COL4A5: variants seen among roughly 807,000 people sequenced by gnomAD.
The protein encoded by COL4A5 is collagen type IV alpha 5 chain, also known as collagen alpha-5(IV) chain.
In COL4A5, 26 loss-of-function variants were observed where a neutral mutation model predicts 130.2. That is an observed-to-expected ratio of 0.20 (90% CI 0.15 to 0.28). COL4A5 has a LOEUF of 0.28. COL4A5 is among the 10% of genes least tolerant of loss of function. COL4A5 has a pLI of 1.00. For missense variants in COL4A5, 1,131 were observed against 1,344.3 expected (o/e 0.84, Z 2.48); for synonymous variants, 496 against 439.6 (o/e 1.13, Z -1.60).
At chrX:108,648,169 C>T (rs1002019049) in intron 36 of COL4A5, among the ~76,000 whole-genome samples, 1 of 110,846 alleles carries the variant, frequency 9.0e-6, no homozygotes, top group Non-Finnish European at 1.9e-5. Context: ...CCAGCTCCTC[C>T]TTGTACCTCT....
At chrX:108,685,937 T>C in intron 47 of COL4A5, 94 bp from the exon 48 acceptor site, 1 of 742,906 alleles carries the variant, frequency 1.3e-6, no homozygotes, top group Non-Finnish European at 2.1e-6. Flanking sequence ...AACCAAATTG[T>C]GAATTCAGTG....
intron 1 of COL4A5, among the ~76,000 whole-genome samples, chrX:108,515,911 G>A (rs767380154): frequency 9.0e-6 from 1 of 111,094 alleles, no homozygotes; most frequent in Admixed American, 9.6e-5. Context: ...CAGAACTGTA[G>A]CATTCCTTGT....
intron 38 of COL4A5, 40 bp from the exon 39 acceptor site, chrX:108,666,456 T>C (rs376722188): frequency 5.5e-5 from 59 of 1,076,647 alleles, no homozygotes; most frequent in Non-Finnish European, 7.3e-5. Flanking sequence ...GAGTTGGAAA[T>C]TGGAAAACTG....
chrX:108,631,970 C>T (rs907025883), intron 36 of COL4A5, among the ~76,000 whole-genome samples: 1 of 110,870 alleles, frequency 9.0e-6, no homozygotes, highest in Non-Finnish European at 1.9e-5. Context: ...CAGGAAATAA[C>T]TAAGATCAGA....
intron 1 of COL4A5, among the ~76,000 whole-genome samples, chrX:108,502,580 C>T (rs1052769117): frequency 2.4e-4 from 27 of 111,911 alleles, no homozygotes; most frequent in Non-Finnish European, 4.3e-4. Flanking sequence ...CCACCGCGCC[C>T]GGCTACTGGA....
intron 34 of COL4A5, among the ~76,000 whole-genome samples, chrX:108,625,270 C>A (rs2067131427): frequency 9.0e-6 from 1 of 111,552 alleles, no homozygotes; most frequent in African/African-American, 3.3e-5. Context: ...TAAACTATAT[C>A]ATAACAGGTT....
chrX:108,571,405 CCTT>C lies in COL4A5; in HGVS notation c.385-5_385-3del. ...TCCTCCATGCTCTTTATTTTTAACTCCTTCTAGGGAGAACGTGGATTTCCAGGC... is the reference window on the plus strand; with the variant it reads ...TCCTCCATGCTCTTTATTTTTAACTCCTAGGGAGAACGTGGATTTCCAGGC... On this transcript the variant is annotated splice_polypyrimidine_tract_variant and splice_region_variant and intron_variant, in intron 6 of 52. Transcript: ENST00000328300. The C allele has an allele frequency of 8.4e-7, 1 of 1,185,418 alleles. No homozygotes were observed. The highest frequency in any genetic ancestry group is 1.1e-6 in the Non-Finnish European group (1 of 873,009).
intron 1 of COL4A5, among the ~76,000 whole-genome samples, chrX:108,452,268 A>G (rs1479484197): frequency 8.9e-6 from 1 of 111,857 alleles, no homozygotes; most frequent in African/African-American, 3.3e-5. Context: ...TGATGCCTCC[A>G]GCTTTGTTCT....
chrX:108,466,796 G>A lies in COL4A5; in HGVS notation c.81+26590G>A, dbSNP rs557941991. On this transcript the variant is annotated intron_variant, in intron 1 of 52. Coordinates refer to ENST00000328300, the MANE Select transcript of COL4A5 (RefSeq NM_033380.3). The stretch of plus-strand genomic sequence containing the variant: ...TTTTTTTTTTTCTTTTAGAAATGGG[G>A]TCTTGCTATGTTGCCCAGGTTGGTC... Among the ~76,000 whole-genome samples the A allele has an allele frequency of 1.2e-4, 13 of 110,120 alleles. No individual in the cohort carries two copies. In the South Asian group the frequency reaches 5.1e-3, roughly 44 times the overall value.
intron 2 of COL4A5, among the ~76,000 whole-genome samples, chrX:108,543,733 T>C (rs372777250): frequency 8.9e-6 from 1 of 112,164 alleles, no homozygotes; most frequent in Admixed American, 9.5e-5. Context: ...ATTCTTCCTA[T>C]CCATGAGCAT....
At chrX:108,524,961 T>C (rs991417381) in intron 1 of COL4A5, among the ~76,000 whole-genome samples, 1 of 112,001 alleles carries the variant, frequency 8.9e-6, no homozygotes, top group Non-Finnish European at 1.9e-5. Context: ...AAAGGTATAT[T>C]CTACTGTAAT....
chrX:108,674,419 T>C (rs2068265057), intron 42 of COL4A5: 1 of 191,271 alleles, frequency 5.2e-6, no homozygotes, highest in South Asian at 2.9e-4. Context: ...CTTTAATGTT[T>C]TGAGAAGCTA....
chrX:108,534,164 G>C (rs867141304), intron 1 of COL4A5, among the ~76,000 whole-genome samples: 1 of 108,825 alleles, frequency 9.2e-6, no homozygotes, highest in African/African-American at 3.3e-5. Context: ...AAGAGAGAGA[G>C]AGAAAGAGAA....
chrX:108,550,727 A>T (rs28844710), intron 2 of COL4A5, among the ~76,000 whole-genome samples: 27,305 of 110,843 alleles, frequency 0.25, 2,777 homozygotes, highest in East Asian at 0.57. Context: ...GGAAGAAATA[A>T]TTTTTTTTGT....
chrX:108,627,641 C>T, intron 36 of COL4A5: 1 of 584,562 alleles, frequency 1.7e-6, no homozygotes, highest in Middle Eastern at 1.1e-3. Context: ...TTTTAAAACA[C>T]TTATAATAAT....
chrX:108,657,613 T>C (rs2067868063), intron 37 of COL4A5, among the ~76,000 whole-genome samples: 1 of 111,573 alleles, frequency 9.0e-6, no homozygotes, highest in Non-Finnish European at 1.9e-5. Context: ...TCCAATGAAA[T>C]GAACATGTTA....
rs941496799 is a variant in COL4A5 at position 108,626,530 on chromosome X, C to T, written c.3246+181C>T. 7.9e-6 allele frequency: 9 copies of T among 1,143,318 alleles called. No homozygotes were observed. In the African/African-American group the frequency reaches 1.3e-4, roughly 16 times the overall value. 94.2% of individuals were successfully genotyped at this position (1,143,318 alleles called of 1,213,427 possible). A position where few individuals can be genotyped will look rare whatever the true frequency, so the allele number is the denominator to read the frequency against. On this transcript the variant is annotated intron_variant, in intron 36 of 52. Transcript: ENST00000328300. ...GAAGATATGTTTTAGGGTTTGTGGC[C>T]AGTCCAAAATAAAAAGGGAAAACTT...
chrX:108,654,104 T>C (rs1309624514), intron 36 of COL4A5, among the ~76,000 whole-genome samples: 1 of 112,471 alleles, frequency 8.9e-6, no homozygotes, highest in Non-Finnish European at 1.9e-5. Context: ...TAGCACCTTA[T>C]TGTAAAGGTC....
intron 9 of COL4A5, 146 bp downstream of exon 9, chrX:108,573,800 A>T (rs2066103515): frequency 2.1e-6 from 1 of 474,481 alleles, no homozygotes; most frequent in Non-Finnish European, 3.7e-6. Flanking sequence ...CTACCTGAAA[A>T]TAAAAGCAAT....
Sources: allele counts gnomAD v4.1 joint callset (sites outside exome capture counted in the v4.1 genomes callset), GRCh38; gene constraint gnomAD v4.1.1; transcripts MANE v1.5; gene names NCBI Gene and HGNC (gene_info 2026-07-23, HGNC 2026-07-21).